ATE1: variants seen among roughly 807,000 people sequenced by gnomAD.
ATE1 encodes the protein arginyl-tRNA--protein transferase 1.
A neutral mutation model predicts 70.5 loss-of-function variants in ATE1; 36 were observed. That is an observed-to-expected ratio of 0.51 (90% CI 0.39 to 0.67). The LOEUF is 0.67. Ranked by LOEUF, ATE1 falls within the 30% of genes least tolerant of loss-of-function variation. The probability of loss-of-function intolerance (pLI) is 0.00; values close to 1 mark genes in which losing one functional copy is unlikely to be tolerated. For missense variants in ATE1, 593 were observed against 629.5 expected (o/e 0.94, Z 0.62); for synonymous variants, 232 against 219.3 (o/e 1.06, Z -0.51).
chr10:121,875,515 G>A (rs1437657730), intron 7 of ATE1, among the ~76,000 whole-genome samples: 1 of 151,938 alleles, frequency 6.6e-6, no homozygotes, highest in Non-Finnish European at 1.5e-5. Flanking sequence ...ATGTTGGCTA[G>A]GCTGGTCACG....
At chr10:121,905,331 C>T (rs1951147344) in intron 5 of ATE1, among the ~76,000 whole-genome samples, 1 of 151,892 alleles carries the variant, frequency 6.6e-6, no homozygotes, top group African/African-American at 2.4e-5. Flanking sequence ...TTTTCAAAAC[C>T]TTCCATTTTC....
At chr10:121,815,590 G>A (rs1042051918) in intron 10 of ATE1, among the ~76,000 whole-genome samples, 1 of 152,178 alleles carries the variant, frequency 6.6e-6, no homozygotes, top group Non-Finnish European at 1.5e-5. Flanking sequence ...TGGTCCTGGG[G>A]TAATGAGTGA....
At chr10:121,828,514 G>C (rs1006542012) in intron 10 of ATE1, among the ~76,000 whole-genome samples, 3 of 152,132 alleles carry the variant, frequency 2.0e-5, no homozygotes, top group Non-Finnish European at 4.4e-5. Context: ...CTTCAGCAGG[G>C]TACTATGATG....
intron 11 of ATE1, among the ~76,000 whole-genome samples, chr10:121,772,437 T>C (rs953631969): frequency 2.6e-5 from 4 of 152,214 alleles, no homozygotes; most frequent in Admixed American, 6.5e-5. Flanking sequence ...AGAACAAGAA[T>C]GGTATTATGT....
At chr10:121,898,702 G>GT in intron 7 of ATE1, 1 of 971,278 alleles carries the variant, frequency 1.0e-6, no homozygotes, top group South Asian at 2.1e-5. Flanking sequence ...ATGCTCACAT[G>GT]TATGAGTCAT....
At chr10:121,861,686 A>G (rs530925151) in intron 8 of ATE1, among the ~76,000 whole-genome samples, 3 of 151,026 alleles carry the variant, frequency 2.0e-5, no homozygotes, top group South Asian at 4.2e-4. Flanking sequence ...CCAGCATGGC[A>G]CATGTATACA....
At chr10:121,927,601 C>G in intron 1 of ATE1, 1 of 965,506 alleles carries the variant, frequency 1.0e-6, no homozygotes, top group East Asian at 1.2e-4. Context: ...CGTCCGTCTC[C>G]CGACTCTGGG....
intron 8 of ATE1, among the ~76,000 whole-genome samples, chr10:121,851,971 C>A (rs574025112): frequency 6.6e-6 from 1 of 152,234 alleles, no homozygotes; most frequent in Non-Finnish European, 1.5e-5. Flanking sequence ...TGGCTTCCAG[C>A]CAAACTGCTC....
rs1197977663 is a variant in ATE1 at position 121,742,859 on chromosome 10, CTATT to C, written c.*817_*820del. On this transcript the variant is annotated 3_prime_UTR_variant, in exon 12 of 12. Transcript: ENST00000224652. ...GAGTTGTAAGATAAAAAACTAGTGA[CTATT>C]TATTTCCTTTGGATGAGACTTAGAT... 1 of 152,200 alleles carries C rather than the reference CTATT, an allele frequency of 6.6e-6. No individual in the cohort carries two copies. Among genetic ancestry groups the C allele is most frequent in the Non-Finnish European group, 1.5e-5 (1 of 68,044 alleles). 9.4% of individuals were successfully genotyped at this position (152,200 alleles called of 1,614,324 possible). A position where few individuals can be genotyped will look rare whatever the true frequency, so the allele number is the denominator to read the frequency against.
At chr10:121,892,966 C>T (rs1201411873) in intron 7 of ATE1, among the ~76,000 whole-genome samples, 2 of 152,162 alleles carry the variant, frequency 1.3e-5, no homozygotes, top group African/African-American at 4.8e-5. Flanking sequence ...ACTGTCCTTT[C>T]TTCTCTTCAC....
At chr10:121,855,449 A>T (rs957642191) in intron 8 of ATE1, among the ~76,000 whole-genome samples, 2 of 152,202 alleles carry the variant, frequency 1.3e-5, no homozygotes, top group African/African-American at 4.8e-5. Flanking sequence ...TGAGTTAATC[A>T]ATTAAGGAAA....
At chr10:121,879,432 T>C (rs1352508812) in intron 7 of ATE1, among the ~76,000 whole-genome samples, 1 of 152,196 alleles carries the variant, frequency 6.6e-6, no homozygotes, top group Non-Finnish European at 1.5e-5. Context: ...GCATACTTAT[T>C]ATTTATCTTC....
chr10:121,835,369 C>A (rs1948394388), intron 10 of ATE1, among the ~76,000 whole-genome samples: 1 of 151,678 alleles, frequency 6.6e-6, no homozygotes, highest in Non-Finnish European at 1.5e-5. Flanking sequence ...TGAAATCGAA[C>A]CATCTCCCCA....
intron 10 of ATE1, among the ~76,000 whole-genome samples, chr10:121,834,042 C>T (rs116676888): frequency 2.8e-4 from 42 of 152,270 alleles, no homozygotes; most frequent in African/African-American, 9.9e-4. Context: ...TCAAAACTGA[C>T]GACTGCAGCA....
intron 10 of ATE1, among the ~76,000 whole-genome samples, chr10:121,817,146 T>TC (rs1442131833): frequency 6.6e-6 from 1 of 152,220 alleles, no homozygotes; most frequent in Admixed American, 6.5e-5. Flanking sequence ...ATATGCATTT[T>TC]CCCCCAACCA....
chr10:121,781,475 C>T (rs1945986126), intron 11 of ATE1, among the ~76,000 whole-genome samples: 1 of 152,206 alleles, frequency 6.6e-6, no homozygotes, highest in Admixed American at 6.5e-5. Context: ...CTCAGATGTA[C>T]ACCAGGTGTC....
intron 10 of ATE1, among the ~76,000 whole-genome samples, chr10:121,802,442 G>T (rs1946925522): frequency 6.6e-6 from 1 of 151,844 alleles, no homozygotes; most frequent in African/African-American, 2.4e-5. Flanking sequence ...CCGAGTTGCT[G>T]GGATTACAGG....
intron 11 of ATE1, among the ~76,000 whole-genome samples, chr10:121,788,718 A>T (rs1303315645): frequency 6.6e-6 from 1 of 152,148 alleles, no homozygotes; most frequent in Non-Finnish European, 1.5e-5. Context: ...GTAGCTAGAA[A>T]AATGTTTATA....
At chr10:121,890,146 G>T (rs1174310691) in intron 7 of ATE1, among the ~76,000 whole-genome samples, 1 of 152,100 alleles carries the variant, frequency 6.6e-6, no homozygotes, top group Non-Finnish European at 1.5e-5. Context: ...TTAAGGAAAA[G>T]AAGTCAATAT....
Sources: gnomAD v4.1 joint callset for allele counts (sites outside exome capture counted in the v4.1 genomes callset) on GRCh38, gnomAD v4.1.1 for gene constraint, MANE v1.5 for transcripts, NCBI Gene and HGNC (gene_info 2026-07-23, HGNC 2026-07-21) for gene names.